The following DPCD variants were observed in gnomAD, a reference collection of about 807,000 sequenced individuals.
DPCD encodes protein DPCD.
DPCD carries 20 observed loss-of-function variants against 26.4 expected under a neutral mutation model. The observed-to-expected ratio is 0.76, with a 90% CI of 0.53 to 1.10. The LOEUF is 1.10. Among genes scored for constraint, DPCD ranks in the 50% least tolerant of loss-of-function variants. The pLI is 0.00. For synonymous variants in DPCD, 97 were observed against 94.2 expected (o/e 1.03, Z -0.17); for missense variants, 202 against 253.9 (o/e 0.80, Z 1.39).
intron 1 of DPCD, among the ~76,000 whole-genome samples, chr10:101,589,493 A>G (rs977904459): frequency 1.3e-5 from 2 of 152,252 alleles, no homozygotes; most frequent in Non-Finnish European, 2.9e-5. Context: ...CCGTAATTCC[A>G]GCACTCTGGG....
intron 1 of DPCD, among the ~76,000 whole-genome samples, chr10:101,593,408 T>C (rs2063626268): frequency 6.6e-6 from 1 of 152,222 alleles, no homozygotes; most frequent in Non-Finnish European, 1.5e-5. Context: ...CTTGGGGCTC[T>C]TATTCATCAA....
chr10:101,588,636 G>T, intron 1 of DPCD: 1 of 1,351,616 alleles, frequency 7.4e-7, no homozygotes, highest in East Asian at 2.9e-5. Flanking sequence ...GATTTCTGTT[G>T]CTAATATAGT....
At position 101,600,652 on chromosome 10, in the gene DPCD, G is replaced by A; in HGVS notation, c.146-86G>A. 6.5e-7 allele frequency: 1 copy of A among 1,529,606 alleles called. No individual in the cohort carries two copies. Among genetic ancestry groups the A allele is most frequent in the Non-Finnish European group, 8.8e-7 (1 of 1,139,432 alleles). The allele number at this position is 1,529,606 out of a possible 1,614,324, so 94.8% of individuals were successfully genotyped here. ...GTGCTAGTTACCTAGTGTGGTGCCG[G>A]TGATTCAGCAGAAAAGAGCAGAGAC... On this transcript the variant is annotated intron_variant, in intron 2 of 5. Coordinates refer to ENST00000370151, the MANE Select transcript of DPCD (RefSeq NM_015448.3). The surrounding 1 kb of genome is among the most constrained non-coding windows in gnomAD (Gnocchi z 4.7).
chr10:101,598,479 G>A (rs1210736684), intron 2 of DPCD, among the ~76,000 whole-genome samples: 1 of 152,156 alleles, frequency 6.6e-6, no homozygotes, highest in Non-Finnish European at 1.5e-5. Flanking sequence ...GCATTTGTAA[G>A]ATTGTCTCCT....
intron 1 of DPCD, among the ~76,000 whole-genome samples, chr10:101,590,735 C>T (rs1012527744): frequency 2.0e-5 from 3 of 152,096 alleles, no homozygotes; most frequent in African/African-American, 7.2e-5. Context: ...TGTGCCACTA[C>T]ACTCAGCTCA....
chr10:101,600,848 G>T lies in DPCD; in HGVS notation c.256G>T (p.Glu86Ter). The T allele has an allele frequency of 6.2e-7, 1 of 1,613,896 alleles. No homozygotes were observed. Among genetic ancestry groups the T allele is most frequent in the Non-Finnish European group, 8.5e-7 (1 of 1,179,948 alleles). Residue 86 changes from glutamate (E) to a stop codon, truncating the protein, a stop_gained, in exon 3 of 6, where the codon GAA (glutamate) becomes TAA (stop). Transcript: ENST00000370151. LOFTEE classifies it high-confidence loss of function. This position sits in a 1 kb window ranked among gnomAD's most constrained non-coding sequence, Gnocchi z 4.7. The part of the protein sequence containing the change: ...AGNLGPELIK[E>*]SNANPIFMRK... ...GAACCTGGGGCCTGAACTCATCAAG[G>T]AAAGCAATGCCAATGTACGTCCATC...
rs79125197 is a variant in DPCD at position 101,592,088 on chromosome 10, T to A, written c.65-2570T>A. On this transcript the variant is annotated intron_variant, in intron 1 of 5. Coordinates refer to ENST00000370151, the MANE Select transcript of DPCD (RefSeq NM_015448.3). ...ATACTAATATACTTAATAATTTATA[T>A]ATACATTTATTTCTAGAATAAATAT... 2.2e-4 allele frequency among the ~76,000 whole-genome samples: 34 copies of A among 151,892 alleles called. No individual in the cohort carries two copies. In the East Asian group the frequency reaches 3.9e-3, roughly 17 times the overall value.
At position 101,608,820 on chromosome 10, in the gene DPCD, T is replaced by G. The variant is rs2063751122; in HGVS notation, c.405-15T>G. 1 of 1,599,832 alleles carries G rather than the reference T, an allele frequency of 6.3e-7. No individual in the cohort carries two copies. Among genetic ancestry groups the G allele is most frequent in the African/African-American group, 1.3e-5 (1 of 74,592 alleles). On this transcript the variant is annotated splice_polypyrimidine_tract_variant and intron_variant, in intron 4 of 5. Transcript: ENST00000370151. ...CCTTGCCGAGTGCCCCAATGGCCTC[T>G]CGGTGTCCCCACAGGTACTACAAGA...
In DPCD at chr10:101,600,624, C is replaced by A; in HGVS notation, c.146-114C>A. 1.4e-6 allele frequency: 2 copies of A among 1,455,980 alleles called. No individual in the cohort carries two copies. The highest frequency in any genetic ancestry group is 1.8e-6 in the Non-Finnish European group (2 of 1,087,778). 90.2% of individuals were successfully genotyped at this position (1,455,980 alleles called of 1,614,324 possible). A position where few individuals can be genotyped will look rare whatever the true frequency, so the allele number is the denominator to read the frequency against. ...AAAGGCCCAACACTCCCACTTTCAT[C>A]TTGTGCTAGTTACCTAGTGTGGTGC... On this transcript the variant is annotated intron_variant, in intron 2 of 5. Transcript: ENST00000370151. This position sits in a 1 kb window ranked among gnomAD's most constrained non-coding sequence, Gnocchi z 4.7.
chr10:101,609,472 T>C lies in DPCD; in HGVS notation c.*1T>C. The C allele has an allele frequency of 6.2e-7, 1 of 1,613,812 alleles. No homozygotes were observed. Among genetic ancestry groups the C allele is most frequent in the Admixed American group, 1.7e-5 (1 of 59,992 alleles). ...CGATGGGGACTGCAAGACCCAGTAG[T>C]TGGCCCCTGAGCCTTATACCTCCAC... On this transcript the variant is annotated 3_prime_UTR_variant, in exon 6 of 6. Coordinates refer to ENST00000370151, the MANE Select transcript of DPCD (RefSeq NM_015448.3).
rs117791696 is a variant in DPCD, at chr10:101,594,861, G to A, written c.145+123G>A. The A allele has an allele frequency of 3.6e-3, 3,183 of 877,696 alleles. 79 individuals carry two copies. In the East Asian group the frequency reaches 0.049, roughly 13 times the overall value. The allele number at this position is 877,696 out of a possible 1,614,324, so 54.4% of individuals were successfully genotyped here. A position where few individuals can be genotyped will look rare whatever the true frequency, so the allele number is the denominator to read the frequency against. On this transcript the variant is annotated intron_variant, in intron 2 of 5. Coordinates refer to ENST00000370151, the MANE Select transcript of DPCD (RefSeq NM_015448.3). ...ATCAAATGTAGAGGCTGGGAGAGAC[G>A]GAAGCCCTCGAGACAACAACGTTCC...
At chr10:101,608,017 C>CAT (rs2063744487) in intron 4 of DPCD, among the ~76,000 whole-genome samples, 1 of 152,144 alleles carries the variant, frequency 6.6e-6, no homozygotes, top group South Asian at 2.1e-4. Context: ...TCTCTGAGCC[C>CAT]GAGTTCCCTT....
At chr10:101,593,674 C>T (rs982243011) in intron 1 of DPCD, among the ~76,000 whole-genome samples, 4 of 152,046 alleles carry the variant, frequency 2.6e-5, no homozygotes, top group Admixed American at 6.5e-5. Flanking sequence ...CTGAAACCTC[C>T]GCCTCCCGGG....
intron 1 of DPCD, among the ~76,000 whole-genome samples, chr10:101,591,171 A>C (rs2063604296): frequency 6.6e-6 from 1 of 152,210 alleles, no homozygotes; most frequent in South Asian, 2.1e-4. Flanking sequence ...TTTAAGGCTG[A>C]GTGATATCCA....
intron 4 of DPCD, among the ~76,000 whole-genome samples, chr10:101,606,851 G>C (rs1401225346): frequency 6.6e-6 from 1 of 152,114 alleles, no homozygotes; most frequent in Non-Finnish European, 1.5e-5. Context: ...GCTTCCCCAG[G>C]AGGAGAAAAG....
At chr10:101,609,318 A>C (rs1490167345) in intron 5 of DPCD, 49 bp from the exon 6 acceptor site, 2 of 1,574,902 alleles carry the variant, frequency 1.3e-6, no homozygotes, top group Non-Finnish European at 1.7e-6. Flanking sequence ...GTGTGGAAGG[A>C]GATGGGACAG....
intron 2 of DPCD, among the ~76,000 whole-genome samples, chr10:101,598,611 C>CTTTTT (rs71016333): frequency 0.017 from 1,306 of 75,002 alleles, 95 homozygotes; most frequent in Non-Finnish European, 0.024. Context: ...TAGATGCTTT[C>CTTTTT]TTTTTTTTTT....
rs1044212790 is a variant in DPCD, at chr10:101,595,935, A to T, written c.145+1197A>T. On this transcript the variant is annotated intron_variant, in intron 2 of 5. Transcript: ENST00000370151. ...AAAGCAGAGGTCACGTGGACTAGCC[A>T]CCACCATAACCAGGCCAGAGAATAG... Among the ~76,000 whole-genome samples the T allele has an allele frequency of 2.6e-5, 4 of 152,204 alleles. No homozygotes were observed. In the East Asian group the frequency reaches 7.7e-4, roughly 29 times the overall value.
At position 101,608,827 on chromosome 10, in the gene DPCD, C is replaced by A; in HGVS notation, c.405-8C>A. The A allele has an allele frequency of 6.2e-7, 1 of 1,606,590 alleles. No homozygotes were observed. The highest frequency in any genetic ancestry group is 1.1e-5 in the South Asian group (1 of 90,880). ...GAGTGCCCCAATGGCCTCTCGGTGT[C>A]CCCACAGGTACTACAAGAAGTTCTC... is the stretch of plus-strand genomic sequence containing the variant. On this transcript the variant is annotated splice_region_variant and splice_polypyrimidine_tract_variant and intron_variant, in intron 4 of 5. Transcript: ENST00000370151.
Sources: allele counts gnomAD v4.1 joint callset (sites outside exome capture counted in the v4.1 genomes callset), GRCh38; gene constraint gnomAD v4.1.1; non-coding constraint Gnocchi (gnomAD v3.1); transcripts MANE v1.5; gene names NCBI Gene and HGNC (gene_info 2026-07-23, HGNC 2026-07-21).